The following TMEM237 variants were observed in gnomAD, a reference collection of about 807,000 sequenced individuals.
The protein encoded by TMEM237 is transmembrane protein 237, also known as amyotrophic lateral sclerosis 2 (juvenile) chromosome region, candidate 4.
In TMEM237, 51 loss-of-function variants were observed where a neutral mutation model predicts 59.1. That is an observed-to-expected ratio of 0.86 (90% CI 0.69 to 1.09). The LOEUF (loss-of-function observed/expected upper bound fraction) is 1.09. TMEM237 is among the 50% of genes least tolerant of loss of function. The probability of loss-of-function intolerance (pLI) is 0.00; values close to 1 mark genes in which losing one functional copy is unlikely to be tolerated. For synonymous variants in TMEM237, 140 were observed against 166.1 expected (o/e 0.84, Z 1.21); for missense variants, 475 against 478.3 (o/e 0.99, Z 0.06).
intron 6 of TMEM237, among the ~76,000 whole-genome samples, chr2:201,632,669 C>A (rs991045652): frequency 6.6e-6 from 1 of 152,158 alleles, no homozygotes; most frequent in African/African-American, 2.4e-5. Flanking sequence ...GTTTGCTTCA[C>A]CTTCCACCAT....
Position 201,629,907 on chromosome 2 carries a change from A to AT in TMEM237, c.554-56dup, listed in dbSNP as rs377654281. Reference sequence around the variant, plus strand: ...CTAGCGAGAGAGAACCCTGGTAGCCATTTTTTTTTTTAAATTCCATACTCA... The same window carrying AT: ...CTAGCGAGAGAGAACCCTGGTAGCCATTTTTTTTTTTTAAATTCCATACTCA... On this transcript the variant is annotated intron_variant, in intron 7 of 12. Transcript: ENST00000409883. 3.6e-3 allele frequency: 4,738 copies of AT among 1,299,694 alleles called. 5 individuals carry two copies. Among genetic ancestry groups the AT allele is most frequent in the East Asian group, 0.032 (1,118 of 35,414 alleles). The allele number at this position is 1,299,694 out of a possible 1,614,324, so 80.5% of individuals were successfully genotyped here. A position where few individuals can be genotyped will look rare whatever the true frequency, so the allele number is the denominator to read the frequency against.
chr2:201,639,014 CT>C lies in TMEM237; in HGVS notation c.110del (p.Lys37ArgfsTer109). The C allele has an allele frequency of 6.3e-7, 1 of 1,584,254 alleles. No individual in the cohort carries two copies. The highest frequency in any genetic ancestry group is 8.6e-7 in the Non-Finnish European group (1 of 1,164,176). On this transcript the variant is annotated frameshift_variant, in exon 4 of 13. Coordinates refer to ENST00000409883, the MANE Select transcript of TMEM237 (RefSeq NM_001044385.3). LOFTEE classifies it high-confidence loss of function. ...CTGGTGTGTTTTTTGTTCTGGGCTT[CT>C]TTTTCTTAGGACGACTAAGTGGAAT... Reference protein sequence around the residue: ...DDIPLSRPKKKKPRTKNTPAS... With the variant: ...DDIPLSRPKKXKPRTKNTPAS...
intron 5 of TMEM237, chr2:201,634,381 G>C (rs893873452): frequency 2.6e-5 from 4 of 152,162 alleles, no homozygotes; most frequent in Non-Finnish European, 5.9e-5. Flanking sequence ...AAGCAGTAGA[G>C]CCTACCATTG....
rs1027885921 is a variant in TMEM237 at position 201,624,285 on chromosome 2, A to T, written c.1197T>A (p.Asp399Glu). 6.2e-7 allele frequency: 1 copy of T among 1,612,430 alleles called. No homozygotes were observed. The highest frequency in any genetic ancestry group is 1.1e-5 in the South Asian group (1 of 90,942). The part of the protein sequence containing the change: ...MFSSEVEEYP[D>E]KEKEIKASS Reference sequence around the variant, plus strand: ...AAGAGGCTTTGATTTCTTTCTCTTTATCAGGATATTCTTCCACCTCTGAGG... The same window carrying T: ...AAGAGGCTTTGATTTCTTTCTCTTTTTCAGGATATTCTTCCACCTCTGAGG... Residue 399 changes from aspartate (D) to glutamate (E), a missense_variant, in exon 13 of 13, where the codon GAT (aspartate) becomes GAA (glutamate). Transcript: ENST00000409883.
intron 3 of TMEM237, 152 bp from the exon 4 acceptor site, chr2:201,639,197 GAGA>G: frequency 1.5e-6 from 1 of 670,452 alleles, no homozygotes; most frequent in Admixed American, 2.8e-5. Context: ...GCAAGAAATT[GAGA>G]AGATCAGAGA....
chr2:201,631,766 G>T lies in TMEM237; in HGVS notation c.553+285C>A, dbSNP rs116291595. 0.035 allele frequency among the ~76,000 whole-genome samples: 5,365 copies of T among 152,170 alleles called. 134 individuals carry two copies. Among genetic ancestry groups the T allele is most frequent in the Non-Finnish European group, 0.056 (3,815 of 67,986 alleles). On this transcript the variant is annotated intron_variant, in intron 7 of 12. Transcript: ENST00000409883. ...ATGTGTATATGCTCATTTTTTATCA[G>T]AATCTTTCCATAAAATGAAAAATTC... is the stretch of plus-strand genomic sequence containing the variant.
chr2:201,639,794 T>A (rs576927426), intron 3 of TMEM237, among the ~76,000 whole-genome samples: 2 of 151,162 alleles, frequency 1.3e-5, no homozygotes, highest in Admixed American at 1.3e-4. Flanking sequence ...AGACTCTGTC[T>A]CAAAACAAAA....
At chr2:201,642,723 G>A in intron 1 of TMEM237, 13 of 1,534,580 alleles carry the variant, frequency 8.5e-6, no homozygotes, top group Non-Finnish European at 1.1e-5. Flanking sequence ...TGCGTCATCG[G>A]GCCGCGCCGC....
rs952967042 is a variant in TMEM237 at position 201,643,113 on chromosome 2, G to A, written c.42+246C>T. 5.9e-5 allele frequency among the ~76,000 whole-genome samples: 9 copies of A among 152,222 alleles called. No individual in the cohort carries two copies. Among genetic ancestry groups the A allele is most frequent in the Admixed American group, 2.6e-4 (4 of 15,312 alleles). On this transcript the variant is annotated intron_variant, in intron 1 of 12. Transcript: ENST00000409883. This position sits in a 1 kb window ranked among gnomAD's most constrained non-coding sequence, Gnocchi z 4.3. The stretch of plus-strand genomic sequence containing the variant: ...GTGAGGCGTCGTCGTGGCAACGCGG[G>A]CTCAGGTCCCCGCAAACTTCATGCC...
intron 1 of TMEM237, chr2:201,642,951 C>A: frequency 7.6e-7 from 1 of 1,317,636 alleles, no homozygotes; most frequent in Non-Finnish European, 9.6e-7. Context: ...GGAAGCGGGG[C>A]GTGACGGAAG....
chr2:201,628,239 T>C (rs1957777158), intron 9 of TMEM237, 90 bp from the exon 10 acceptor site: 1 of 843,250 alleles, frequency 1.2e-6, no homozygotes. Flanking sequence ...TTCTCTAGTC[T>C]AATGCTAGCA....
chr2:201,640,913 T>C lies in TMEM237; in HGVS notation c.54A>G (p.Arg18=). 6.2e-7 allele frequency: 1 copy of C among 1,603,150 alleles called. No homozygotes were observed. Among genetic ancestry groups the C allele is most frequent in the Non-Finnish European group, 8.5e-7 (1 of 1,172,160 alleles). ...TTTACCTTGGCACAGGTGGAAGAGCTCGTGGAGGACGCTGTGGCGGAAAAA... is the reference window on the plus strand; with the variant it reads ...TTTACCTTGGCACAGGTGGAAGAGCCCGTGGAGGACGCTGTGGCGGAAAAA... ...RLEEGHLRPP[R]ALPPVPSQDD... The change falls in exon 2 of 13, where the codon CGA becomes CGG. Residue 18 remains arginine (R), a synonymous_variant. Coordinates refer to ENST00000409883, the MANE Select transcript of TMEM237 (RefSeq NM_001044385.3).
At position 201,621,185 on chromosome 2, in the gene TMEM237, A is replaced by G. The variant is rs1274588365; in HGVS notation, c.*3070T>C. On this transcript the variant is annotated 3_prime_UTR_variant, in exon 13 of 13. Coordinates refer to ENST00000409883, the MANE Select transcript of TMEM237 (RefSeq NM_001044385.3). ...ACCTCCAGTCTATAGGAAATTCAGGAGATTGAGGAACAAATTAAGTGATGT... is the reference window on the plus strand; with the variant it reads ...ACCTCCAGTCTATAGGAAATTCAGGGGATTGAGGAACAAATTAAGTGATGT... 3 of 152,204 alleles carry G rather than the reference A, an allele frequency of 2.0e-5. No individual in the cohort carries two copies. Among genetic ancestry groups the G allele is most frequent in the Non-Finnish European group, 4.4e-5 (3 of 68,038 alleles). 9.4% of individuals were successfully genotyped at this position (152,204 alleles called of 1,614,324 possible). A position where few individuals can be genotyped will look rare whatever the true frequency, so the allele number is the denominator to read the frequency against.
At chr2:201,627,953 A>T in intron 10 of TMEM237, 123 bp downstream of exon 10, 2 of 558,234 alleles carry the variant, frequency 3.6e-6, no homozygotes. Flanking sequence ...TTCACTGAAC[A>T]TCTATAGGTA....
intron 9 of TMEM237, 76 bp from the exon 10 acceptor site, chr2:201,628,225 T>G: frequency 9.6e-7 from 1 of 1,038,022 alleles, no homozygotes; most frequent in Non-Finnish European, 1.4e-6. Flanking sequence ...CTATAGTTTT[T>G]TCCTTCTCTA....
chr2:201,634,914 G>A lies in TMEM237; in HGVS notation c.275-1483C>T, dbSNP rs1188297548. On this transcript the variant is annotated intron_variant, in intron 5 of 12. Transcript: ENST00000409883. ...GTTTTCTAGAAGGACAAGTAATTAG[G>A]AAAATTATAATAAATTATTAATAAG... 10 of 442,678 alleles carry A rather than the reference G, an allele frequency of 2.3e-5. No homozygotes were observed. The Admixed American group carries it at 2.5e-4, about 11-fold the overall frequency. The allele number at this position is 442,678 out of a possible 1,614,324, so 27.4% of individuals were successfully genotyped here.
chr2:201,636,670 A>G, intron 5 of TMEM237, 78 bp downstream of exon 5: 1 of 1,492,252 alleles, frequency 6.7e-7, no homozygotes, highest in Non-Finnish European at 9.0e-7. Flanking sequence ...GGGGGAAAGA[A>G]ATGAAAGCAG....
chr2:201,643,478 G>A lies in TMEM237; in HGVS notation c.-78C>T. 3 of 1,245,976 alleles carry A rather than the reference G, an allele frequency of 2.4e-6. No individual in the cohort carries two copies. The highest frequency in any genetic ancestry group is 2.1e-6 in the Non-Finnish European group (2 of 965,024). The allele number at this position is 1,245,976 out of a possible 1,614,324, so 77.2% of individuals were successfully genotyped here. A position where few individuals can be genotyped will look rare whatever the true frequency, so the allele number is the denominator to read the frequency against. On this transcript the variant is annotated 5_prime_UTR_variant, in exon 1 of 13. Transcript: ENST00000409883. The surrounding 1 kb of genome is among the most constrained non-coding windows in gnomAD (Gnocchi z 4.3). ...GCTCCCCGCGACGCAGCGGCCTCCG[G>A]GACCTGTGGGACGCCGGGGCTTCGT...
intron 6 of TMEM237, 142 bp downstream of exon 6, chr2:201,633,169 G>T: frequency 1.3e-6 from 1 of 759,312 alleles, no homozygotes; most frequent in Non-Finnish European, 1.8e-6. Context: ...TGGTTTAACT[G>T]ATTTTTTGTA....
Sources: gnomAD v4.1 joint callset for allele counts (sites outside exome capture counted in the v4.1 genomes callset) on GRCh38, gnomAD v4.1.1 for gene constraint, Gnocchi (gnomAD v3.1) non-coding constraint, MANE v1.5 for transcripts, NCBI Gene and HGNC (gene_info 2026-07-23, HGNC 2026-07-21) for gene names.